CNTN3: variants seen among roughly 807,000 people sequenced by gnomAD.
CNTN3 encodes contactin 3, also known as contactin-3.
In CNTN3, 60 loss-of-function variants were observed where a neutral mutation model predicts 119.1. That is an observed-to-expected ratio of 0.50 (90% CI 0.41 to 0.62). CNTN3 has a LOEUF of 0.62. CNTN3 is among the 20% of genes least tolerant of loss of function. CNTN3 has a pLI of 0.00. For missense variants in CNTN3, 1,101 were observed against 1,242.4 expected, an observed-to-expected ratio of 0.89 and a Z score of 1.71; for synonymous variants, 450 against 438.7, an observed-to-expected ratio of 1.03 and a Z score of -0.32.
chr3:74,535,454 A>C (rs9831609), intron 1 of CNTN3, among the ~76,000 whole-genome samples: 131,001 of 152,016 alleles, frequency 0.86, 57,204 homozygotes, highest in East Asian at 0.93. Context: ...ATTCACGATG[A>C]TAGCATAAAA....
chr3:74,506,451 T>G (rs1703260412), intron 2 of CNTN3, among the ~76,000 whole-genome samples: 1 of 152,056 alleles, frequency 6.6e-6, no homozygotes, highest in Admixed American at 6.6e-5. Flanking sequence ...AAAAACAGGG[T>G]GGGAGGAGAT....
chr3:74,573,768 TAA>T (rs201652402), intron 1 of CNTN3, among the ~76,000 whole-genome samples: 8 of 139,900 alleles, frequency 5.7e-5, no homozygotes, highest in Admixed American at 7.2e-5. Context: ...TAGCCGTAAT[TAA>T]AAAAAAAAAA....
At chr3:74,448,351 G>A (rs1249442449) in intron 4 of CNTN3, among the ~76,000 whole-genome samples, 1 of 152,164 alleles carries the variant, frequency 6.6e-6, no homozygotes, top group East Asian at 1.9e-4. Context: ...TAGATAATGT[G>A]ATTAAGACAC....
intron 19 of CNTN3, among the ~76,000 whole-genome samples, chr3:74,288,287 T>C (rs910727238): frequency 1.3e-4 from 19 of 151,642 alleles, no homozygotes; most frequent in African/African-American, 4.6e-4. Context: ...ACCTTCTGAG[T>C]AGCAGGGATT....
At chr3:74,370,745 T>C (rs528115708) in intron 6 of CNTN3, among the ~76,000 whole-genome samples, 1 of 152,264 alleles carries the variant, frequency 6.6e-6, no homozygotes, top group East Asian at 1.9e-4. Context: ...AAGGTGTTGA[T>C]GAAACAGATA....
At chr3:74,501,956 A>G (rs1575788128) in intron 2 of CNTN3, among the ~76,000 whole-genome samples, 1 of 152,304 alleles carries the variant, frequency 6.6e-6, no homozygotes, top group South Asian at 2.1e-4. Flanking sequence ...AGTAAAAACA[A>G]AAATGCCATT....
At chr3:74,293,755 G>A (rs898706726) in intron 19 of CNTN3, among the ~76,000 whole-genome samples, 7 of 152,276 alleles carry the variant, frequency 4.6e-5, no homozygotes, top group East Asian at 1.9e-4. Context: ...GATTACAGGC[G>A]CAAGCCACCA....
At chr3:74,301,121 G>A (rs1474066603) in intron 16 of CNTN3, among the ~76,000 whole-genome samples, 1 of 152,168 alleles carries the variant, frequency 6.6e-6, no homozygotes, top group African/African-American at 2.4e-5. Context: ...ATGTCAGACA[G>A]TAATTATAAC....
chr3:74,608,079 T>C (rs1705022424), intron 1 of CNTN3, among the ~76,000 whole-genome samples: 1 of 152,212 alleles, frequency 6.6e-6, no homozygotes, highest in African/African-American at 2.4e-5. Flanking sequence ...TTTTACAACT[T>C]CTGTGAGTTT....
intron 1 of CNTN3, among the ~76,000 whole-genome samples, chr3:74,563,673 C>T (rs1704186546): frequency 6.6e-6 from 1 of 152,064 alleles, no homozygotes; most frequent in Non-Finnish European, 1.5e-5. Context: ...GCACCTACCC[C>T]AGATTTTGAA....
chr3:74,526,791 CA>C (rs1179045072), intron 1 of CNTN3, among the ~76,000 whole-genome samples: 1 of 151,882 alleles, frequency 6.6e-6, no homozygotes, highest in Admixed American at 6.6e-5. Context: ...TGAACACCTA[CA>C]GCACTTTATA....
At chr3:74,587,660 C>T (rs1407114923) in intron 1 of CNTN3, among the ~76,000 whole-genome samples, 3 of 152,104 alleles carry the variant, frequency 2.0e-5, no homozygotes, top group Non-Finnish European at 4.4e-5. Flanking sequence ...CGAAAACCAT[C>T]GTAAAACTCC....
intron 1 of CNTN3, among the ~76,000 whole-genome samples, chr3:74,577,863 T>C (rs961889384): frequency 6.6e-6 from 1 of 152,106 alleles, no homozygotes; most frequent in Non-Finnish European, 1.5e-5. Context: ...TTGCAGAATC[T>C]TGAAACATGC....
chr3:74,343,192 C>G (rs1320236114), intron 11 of CNTN3, among the ~76,000 whole-genome samples: 1 of 152,172 alleles, frequency 6.6e-6, no homozygotes, highest in Non-Finnish European at 1.5e-5. Flanking sequence ...CATTTCACTC[C>G]AGAATTAGGC....
At chr3:74,439,603 A>G (rs957186722) in intron 4 of CNTN3, among the ~76,000 whole-genome samples, 5 of 152,210 alleles carry the variant, frequency 3.3e-5, no homozygotes, top group Non-Finnish European at 7.3e-5. Flanking sequence ...ACCAAGGACA[A>G]GAGAGATTAG....
intron 1 of CNTN3, among the ~76,000 whole-genome samples, chr3:74,586,789 C>T (rs991497823): frequency 2.6e-5 from 4 of 151,980 alleles, no homozygotes; most frequent in Non-Finnish European, 5.9e-5. Context: ...ATGATTAAAG[C>T]CATAACTCAA....
At chr3:74,293,957 A>G (rs1475177498) in intron 19 of CNTN3, among the ~76,000 whole-genome samples, 1 of 152,156 alleles carries the variant, frequency 6.6e-6, no homozygotes, top group Non-Finnish European at 1.5e-5. Flanking sequence ...TATAATCTCT[A>G]TAATTTCTTA....
intron 13 of CNTN3, among the ~76,000 whole-genome samples, chr3:74,325,410 T>G (rs1045698086): frequency 2.0e-5 from 3 of 152,086 alleles, no homozygotes; most frequent in African/African-American, 4.8e-5. Flanking sequence ...GTATCCAAAT[T>G]CCTAATAAGC....
At chr3:74,366,807 T>TATATATATATATAA (rs1287883934) in intron 8 of CNTN3, among the ~76,000 whole-genome samples, 1 of 132,676 alleles carries the variant, frequency 7.5e-6, no homozygotes, top group South Asian at 2.4e-4. Context: ...TATATATATA[T>TATATATATATATAA]AACTTGCTCA....
Sources: gnomAD v4.1 joint callset for allele counts (sites outside exome capture counted in the v4.1 genomes callset) on GRCh38, gnomAD v4.1.1 for gene constraint, MANE v1.5 for transcripts, NCBI Gene and HGNC (gene_info 2026-07-23, HGNC 2026-07-21) for gene names.